Variants in PCBP3 observed in about 807,000 individuals in gnomAD.
The protein encoded by PCBP3 is poly(rC) binding protein 3.
Under a neutral mutation model 52.7 loss-of-function variants are expected in PCBP3, and 25 were observed. The observed-to-expected ratio is 0.47, with a 90% confidence interval of 0.35 to 0.66. The LOEUF is 0.66. Among genes scored for constraint, PCBP3 ranks in the 30% least tolerant of loss-of-function variants. The pLI, the probability that PCBP3 is intolerant of heterozygous loss-of-function variation, is 0.01. For missense variants in PCBP3, 391 were observed against 490.3 expected (o/e 0.80, Z 1.91); for synonymous variants, 162 against 183.0 (o/e 0.89, Z 0.93).
chr21:45,800,652 C>T lies in PCBP3; in HGVS notation c.-126+45200C>T, dbSNP rs145787354. Among the ~76,000 whole-genome samples, 94 of 152,318 alleles carry T rather than the reference C, an allele frequency of 6.2e-4. No homozygotes were observed. Among genetic ancestry groups the T allele is most frequent in the Middle Eastern group, 6.8e-3 (2 of 294 alleles). Reference sequence around the variant, plus strand: ...CGTGCTGGGCCCTTGGGCCAAGCACCGCATGCAGCCTGGTGCACACCTGTG... The same window carrying T: ...CGTGCTGGGCCCTTGGGCCAAGCACTGCATGCAGCCTGGTGCACACCTGTG... On this transcript the variant is annotated intron_variant, in intron 4 of 17. Coordinates refer to ENST00000681687, the MANE Select transcript of PCBP3 (RefSeq NM_001384156.1). This position sits in a 1 kb window ranked among gnomAD's most constrained non-coding sequence, Gnocchi z 5.3.
intron 1 of PCBP3, among the ~76,000 whole-genome samples, chr21:45,657,796 T>C (rs1372420638): frequency 6.6e-6 from 1 of 152,216 alleles, no homozygotes; most frequent in Non-Finnish European, 1.5e-5. Context: ...TTAGTAGCTA[T>C]AATAGTTTTT....
chr21:45,646,107 C>CTCTCTCTCTCTG (rs1555895746), intron 1 of PCBP3, among the ~76,000 whole-genome samples: 4 of 83,826 alleles, frequency 4.8e-5, no homozygotes, highest in Admixed American at 3.1e-4. Flanking sequence ...CTCTCTCTCT[C>CTCTCTCTCTCTG]TGTGTGTGTG....
intron 12 of PCBP3, chr21:45,915,558 G>A (rs1203097831): frequency 6.6e-6 from 1 of 152,204 alleles, no homozygotes; most frequent in Non-Finnish European, 1.5e-5. Flanking sequence ...AGGGAAGAGG[G>A]GGTGCAGCTG....
rs1012331544 is a variant in PCBP3 at position 45,802,035 on chromosome 21, C to T, written c.-126+46583C>T. On this transcript the variant is annotated intron_variant, in intron 4 of 17. Transcript: ENST00000681687. This position sits in a 1 kb window ranked among gnomAD's most constrained non-coding sequence, Gnocchi z 5.1. ...CTCTGTGGCTCTCGGGGTCTCCCCT[C>T]CTCTTCCTTGAGGGCATCGTCATGA... Among the ~76,000 whole-genome samples the T allele has an allele frequency of 1.3e-5, 2 of 152,212 alleles. No individual in the cohort carries two copies. Among genetic ancestry groups the T allele is most frequent in the Admixed American group, 6.5e-5 (1 of 15,286 alleles).
chr21:45,918,916 T>C (rs1355289658), intron 13 of PCBP3: 1 of 153,500 alleles, frequency 6.5e-6, no homozygotes, highest in Non-Finnish European at 1.5e-5. Flanking sequence ...GTCGGTGTAA[T>C]TCCAGTGCTG....
chr21:45,655,334 C>T (rs1030572307), intron 1 of PCBP3, among the ~76,000 whole-genome samples: 3 of 151,820 alleles, frequency 2.0e-5, no homozygotes, highest in African/African-American at 7.3e-5. Context: ...ATGTAAAATT[C>T]CAAACAATTT....
intron 4 of PCBP3, among the ~76,000 whole-genome samples, chr21:45,819,472 G>A (rs567541313): frequency 5.9e-5 from 9 of 152,320 alleles, no homozygotes; most frequent in South Asian, 2.1e-4. Context: ...TCAAGTAAGC[G>A]GATGCAGGTG....
At chr21:45,941,146 A>T (rs1381840594) in intron 17 of PCBP3, among the ~76,000 whole-genome samples, 1 of 788 alleles carries the variant, frequency 1.3e-3, no homozygotes. Context: ...GCCTCTTTCC[A>T]TCCCTGTGCC....
chr21:45,745,095 A>G (rs1301660478), intron 3 of PCBP3, among the ~76,000 whole-genome samples: 2 of 152,182 alleles, frequency 1.3e-5, no homozygotes, highest in Non-Finnish European at 2.9e-5. Flanking sequence ...GAGGGACCCC[A>G]TGGGGTTGTA....
intron 4 of PCBP3, among the ~76,000 whole-genome samples, chr21:45,825,818 G>A (rs1202874041): frequency 6.6e-6 from 1 of 152,122 alleles, no homozygotes; most frequent in Admixed American, 6.6e-5. Context: ...GGACGTGGGG[G>A]CGCATGTGGA....
At chr21:45,711,498 T>G (rs1426081348) in intron 2 of PCBP3, among the ~76,000 whole-genome samples, 2 of 152,208 alleles carry the variant, frequency 1.3e-5, no homozygotes, top group Admixed American at 6.5e-5. Flanking sequence ...CACTATTGAT[T>G]TACTTAATTG....
intron 2 of PCBP3, among the ~76,000 whole-genome samples, chr21:45,711,965 C>G (rs569856582): frequency 3.3e-4 from 51 of 152,320 alleles, no homozygotes; most frequent in Non-Finnish European, 5.6e-4. Flanking sequence ...AATCACTGAT[C>G]TGTCAACCAT....
At chr21:45,664,773 C>A (rs1185316762) in intron 1 of PCBP3, among the ~76,000 whole-genome samples, 2 of 134,502 alleles carry the variant, frequency 1.5e-5, no homozygotes, top group African/African-American at 5.5e-5. Flanking sequence ...CCCCTCCCCC[C>A]CACCCCACCA....
intron 2 of PCBP3, among the ~76,000 whole-genome samples, chr21:45,701,212 CAAAT>C (rs1258360755): frequency 2.0e-5 from 3 of 152,172 alleles, no homozygotes; most frequent in Non-Finnish European, 4.4e-5. Flanking sequence ...CACCTAAAAA[CAAAT>C]AAGCAAACAA....
At chr21:45,882,088 A>G (rs970621067) in intron 5 of PCBP3, among the ~76,000 whole-genome samples, 12 of 151,974 alleles carry the variant, frequency 7.9e-5, no homozygotes, top group Admixed American at 7.2e-4. Context: ...TTCTATTTCT[A>G]GTTTTTTGAG....
At chr21:45,823,478 G>C (rs936486697) in intron 4 of PCBP3, among the ~76,000 whole-genome samples, 2 of 152,146 alleles carry the variant, frequency 1.3e-5, no homozygotes, top group Admixed American at 1.3e-4. Context: ...ACTTTCCGCT[G>C]TGCAGATTCC....
At chr21:45,889,556 C>T (rs574262324) in intron 5 of PCBP3, among the ~76,000 whole-genome samples, 103 of 152,342 alleles carry the variant, frequency 6.8e-4, no homozygotes, top group Non-Finnish European at 1.3e-3. Flanking sequence ...GCCAGGGCCA[C>T]GGCCAGCCTC....
In PCBP3 at chr21:45,930,610, C is replaced by A. The variant is rs78873422; in HGVS notation, c.797-176C>A. ...GCCTGTGGACAACCCCCCTCTCCCC[C>A]TGGCGTGCCTGGCAGCTAGGTGTCC... On this transcript the variant is annotated intron_variant, in intron 14 of 17. Transcript: ENST00000681687. Among the ~76,000 whole-genome samples the A allele has an allele frequency of 6.0e-3, 911 of 152,296 alleles. 3 individuals are homozygous for A. Among genetic ancestry groups the A allele is most frequent in the Non-Finnish European group, 9.5e-3 (648 of 68,016 alleles).
At chr21:45,839,645 G>C (rs1441939721) in intron 4 of PCBP3, among the ~76,000 whole-genome samples, 2 of 152,170 alleles carry the variant, frequency 1.3e-5, no homozygotes, top group Non-Finnish European at 2.9e-5. Context: ...TTCTGACTGT[G>C]TATAGGCCTA....
Sources: gnomAD v4.1 joint callset for allele counts (sites outside exome capture counted in the v4.1 genomes callset) on GRCh38, gnomAD v4.1.1 for gene constraint, Gnocchi (gnomAD v3.1) non-coding constraint, MANE v1.5 for transcripts, NCBI Gene and HGNC (gene_info 2026-07-23, HGNC 2026-07-21) for gene names.